Variants in RGL4 observed in about 807,000 individuals in gnomAD.
The protein encoded by RGL4 is ral guanine nucleotide dissociation stimulator like 4, also known as ral-GDS-related protein.
In RGL4, 41 loss-of-function variants were observed where a neutral mutation model predicts 49.6. The observed-to-expected ratio is 0.83, with a 90% CI of 0.64 to 1.07. The LOEUF (loss-of-function observed/expected upper bound fraction) is 1.07, where lower values mean the gene tolerates loss of function less well. RGL4 is among the 50% of genes least tolerant of loss of function. The probability of loss-of-function intolerance (pLI) is 0.00; values close to 1 mark genes in which losing one functional copy is unlikely to be tolerated. For missense variants in RGL4, 610 were observed against 591.9 expected, an observed-to-expected ratio of 1.03 and a Z score of -0.32; for synonymous variants, 255 against 238.0, an observed-to-expected ratio of 1.07 and a Z score of -0.66.
intron 9 of RGL4, 128 bp from the exon 10 acceptor site, chr22:23,698,084 G>C: frequency 1.5e-6 from 2 of 1,319,538 alleles, no homozygotes; most frequent in East Asian, 2.5e-5. Context: ...TCTGAGAACA[G>C]GCTGGGGGCG....
In RGL4 at chr22:23,698,261, A is replaced by AT. The variant is rs775597432; in HGVS notation, c.1312dup (p.Tyr438LeufsTer7). On this transcript the variant is annotated frameshift_variant, in exon 10 of 11. Transcript: ENST00000290691. LOFTEE classifies it high-confidence loss of function. ...CAGCTGCTCCAAGTGGCTGCCATGA[A>AT]TTACAGGCTTCGGCCTCTTGAGAAA... is the stretch of plus-strand genomic sequence containing the variant. 1.2e-6 allele frequency: 2 copies of AT among 1,612,180 alleles called. No homozygotes were observed. Among genetic ancestry groups the AT allele is most frequent in the Non-Finnish European group, 1.7e-6 (2 of 1,178,504 alleles).
chr22:23,692,600 C>A (rs1601283979), intron 2 of RGL4, 69 bp from the exon 3 acceptor site: 2 of 1,576,284 alleles, frequency 1.3e-6, no homozygotes, highest in East Asian at 4.5e-5. Flanking sequence ...TAAATTCCAC[C>A]CGGTCATTTC....
intron 9 of RGL4, 22 bp from the exon 10 acceptor site, chr22:23,698,190 G>C (rs1190718986): frequency 6.3e-7 from 1 of 1,589,804 alleles, no homozygotes; most frequent in Non-Finnish European, 8.6e-7. Flanking sequence ...GGCCCTGTCA[G>C]CATCCTGTCC....
At chr22:23,692,262 C>T (rs979793191) in intron 1 of RGL4, 53 bp downstream of exon 1, 12 of 1,606,978 alleles carry the variant, frequency 7.5e-6, no homozygotes, top group African/African-American at 2.7e-5. Context: ...GACCCAGAAC[C>T]ACGCAGGGGT....
chr22:23,698,825 C>A lies in RGL4; in HGVS notation c.1383-19C>A, dbSNP rs201655999. 218 of 1,606,208 alleles carry A rather than the reference C, an allele frequency of 1.4e-4. 1 individual carries two copies. In the African/African-American group the frequency reaches 2.2e-3, roughly 16 times the overall value. On this transcript the variant is annotated intron_variant, in intron 10 of 10. Coordinates refer to ENST00000290691, the MANE Select transcript of RGL4 (RefSeq NM_153615.2). ...TGTGTGGCTCATGGTGGCCTCACAG[C>A]TGCTTCTCTGTCCTGCAGCTACAAG...
At position 23,692,991 on chromosome 22, in the gene RGL4, G is replaced by A. The variant is rs564151649; in HGVS notation, c.696G>A (p.Ala232=). Residue 232 remains alanine, a splice_region_variant and synonymous_variant, in exon 3 of 11, where the codon GCG becomes GCA. Transcript: ENST00000290691. ...CAGAGCAGCTGACCCTCATGGATGC[G>A]GTGAGCAGCTGAGCTTTGCAGGCTG... ...LLAEQLTLMD[A]ELFKKVVLHE... The A allele has an allele frequency of 8.3e-5, 133 of 1,595,226 alleles. No individual in the cohort carries two copies. Among genetic ancestry groups the A allele is most frequent in the Non-Finnish European group, 1.0e-4 (118 of 1,169,156 alleles).
At chr22:23,695,196 GT>G in intron 6 of RGL4, 177 bp downstream of exon 6, 1 of 552,060 alleles carries the variant, frequency 1.8e-6, no homozygotes, top group Non-Finnish European at 3.3e-6. Context: ...GAAGAGTGGT[GT>G]GTCGGTCCAT....
At chr22:23,698,765 G>T in intron 10 of RGL4, 79 bp from the exon 11 acceptor site, 1 of 1,497,360 alleles carries the variant, frequency 6.7e-7, no homozygotes, top group Non-Finnish European at 9.0e-7. Flanking sequence ...GGGGACCCAG[G>T]ATTCCAGCTG....
At chr22:23,696,767 T>A (rs1267456352) in intron 7 of RGL4, 79 bp downstream of exon 7, 1 of 1,282,288 alleles carries the variant, frequency 7.8e-7, no homozygotes, top group East Asian at 2.5e-5. Context: ...GAGGCCTCCA[T>A]ATCAAGACAG....
chr22:23,697,543 G>A (rs1923587897), intron 8 of RGL4, among the ~76,000 whole-genome samples: 1 of 152,184 alleles, frequency 6.6e-6, no homozygotes, highest in South Asian at 2.1e-4. Context: ...CCCGTAATAG[G>A]AGGGTGAAAT....
rs377725931 is a variant in RGL4 at position 23,694,500 on chromosome 22, C to T, written c.1016+50C>T. ...GCATCAGGGTTGACCTAGGGACTCA[C>T]AGGTCTCCCCCCATGTGCCCTCAAT... On this transcript the variant is annotated intron_variant, in intron 5 of 10. Transcript: ENST00000290691. The T allele has an allele frequency of 8.7e-5, 110 of 1,261,466 alleles. No individual in the cohort carries two copies. The African/African-American group carries it at 1.3e-3, about 15-fold the overall frequency. The allele number at this position is 1,261,466 out of a possible 1,614,324, so 78.1% of individuals were successfully genotyped here. A position where few individuals can be genotyped will look rare whatever the true frequency, so the allele number is the denominator to read the frequency against.
Position 23,698,285 on chromosome 22 carries a change from A to C in RGL4, c.1334A>C (p.Lys445Thr). The part of the protein sequence containing the change: ...AMNYRLRPLE[K>T]FVTYFTRMEQ... The stretch of plus-strand genomic sequence containing the variant: ...AATTACAGGCTTCGGCCTCTTGAGA[A>C]ATTTGTCACCTATTTCACAAGAATG... Residue 445 changes from lysine (K) to threonine (T), a missense_variant, in exon 10 of 11, where the codon AAA becomes ACA. Lys to Thr is a moderately conservative substitution (Grantham distance 78). Transcript: ENST00000290691. 1 of 1,612,052 alleles carries C rather than the reference A, an allele frequency of 6.2e-7. No individual in the cohort carries two copies. The highest frequency in any genetic ancestry group is 8.5e-7 in the Non-Finnish European group (1 of 1,178,230).
rs1451357357 is a variant in RGL4, at chr22:23,694,375, C to A, written c.941C>A (p.Ser314Ter). The A allele has an allele frequency of 1.2e-6, 2 of 1,613,942 alleles. No homozygotes were observed. The highest frequency in any genetic ancestry group is 2.2e-5 in the South Asian group (2 of 91,084). Residue 314 changes from serine (S) to a stop codon, truncating the protein, a stop_gained, in exon 5 of 11, where the codon TCG (serine) becomes TAG (stop). Transcript: ENST00000290691. LOFTEE classifies it high-confidence loss of function. ...TGCCTAAGCCTCAACAACTTCTCCT[C>A]GGTGCACGTCATCGTCTCTGCTCTG... Reference protein sequence around the residue: ...RECLSLNNFSSVHVIVSALCS... With the variant: ...RECLSLNNFS
At chr22:23,694,510 C>T in intron 5 of RGL4, 60 bp downstream of exon 5, 28 of 1,154,660 alleles carry the variant, frequency 2.4e-5, no homozygotes, top group Non-Finnish European at 3.5e-5. Context: ...CAGGTCTCCC[C>T]CCATGTGCCC....
At chr22:23,697,769 A>G in intron 8 of RGL4, 69 bp from the exon 9 acceptor site, 1 of 1,519,182 alleles carries the variant, frequency 6.6e-7, no homozygotes, top group Non-Finnish European at 9.0e-7. Flanking sequence ...GTAGTGCAGC[A>G]TGGGAAGGGG....
In RGL4 at chr22:23,698,987, T is replaced by A. The variant is rs1415155196; in HGVS notation, c.*104T>A. Reference sequence around the variant, plus strand: ...ACCGTAGACACCAGGGAACCACATCTAGGAGGCTGGCAGCTCAGCTGCATC... The same window carrying A: ...ACCGTAGACACCAGGGAACCACATCAAGGAGGCTGGCAGCTCAGCTGCATC... On this transcript the variant is annotated 3_prime_UTR_variant, in exon 11 of 11. Coordinates refer to ENST00000290691, the MANE Select transcript of RGL4 (RefSeq NM_153615.2). 8 of 1,560,140 alleles carry A rather than the reference T, an allele frequency of 5.1e-6. No individual in the cohort carries two copies. In the Admixed American group the frequency reaches 1.6e-4, roughly 30 times the overall value.
chr22:23,696,872 T>A (rs372802909), intron 7 of RGL4, among the ~76,000 whole-genome samples, 184 bp downstream of exon 7: 5 of 152,294 alleles, frequency 3.3e-5, no homozygotes, highest in Admixed American at 2.6e-4. Flanking sequence ...AAAGCTGGAC[T>A]CAGACTAGAT....
intron 10 of RGL4, 80 bp downstream of exon 10, chr22:23,698,413 A>G: frequency 6.7e-7 from 1 of 1,491,302 alleles, no homozygotes; most frequent in Non-Finnish European, 9.2e-7. Context: ...TCTGTCGCCC[A>G]GGCTGCACTG....
chr22:23,698,183 C>T, intron 9 of RGL4, 29 bp from the exon 10 acceptor site: 1 of 1,588,348 alleles, frequency 6.3e-7, no homozygotes, highest in Non-Finnish European at 8.6e-7. Context: ...CCACCCAGGC[C>T]CTGTCAGCAT....
Sources: allele counts gnomAD v4.1 joint callset (sites outside exome capture counted in the v4.1 genomes callset), GRCh38; gene constraint gnomAD v4.1.1; transcripts MANE v1.5; gene names NCBI Gene and HGNC (gene_info 2026-07-23, HGNC 2026-07-21).